Variants in NBAS observed in about 807,000 individuals in gnomAD.
The protein encoded by NBAS is NAG/BC035112 fusion.
Under a neutral mutation model 302.5 loss-of-function variants are expected in NBAS, and 219 were observed. The observed-to-expected ratio is 0.72, with a 90% CI of 0.65 to 0.81. The LOEUF is 0.81. Ranked by LOEUF, NBAS falls within the 30% of genes least tolerant of loss-of-function variation. The probability of loss-of-function intolerance (pLI) is 0.00; values close to 1 mark genes in which losing one functional copy is unlikely to be tolerated. For synonymous variants in NBAS, 1,118 were observed against 1,021.6 expected (o/e 1.09, Z -1.80); for missense variants, 2,932 against 2,841.6 (o/e 1.03, Z -0.72).
At chr2:14,849,506 G>T in the NBAS span, among the ~76,000 whole-genome samples, 1 of 151,790 alleles carries the variant, frequency 6.6e-6, no homozygotes, top group Non-Finnish European at 1.5e-5. Flanking sequence ...AAAACACTCT[G>T]CAGGATATTA....
chr2:14,995,026 T>C, the NBAS span, among the ~76,000 whole-genome samples: 2 of 152,220 alleles, frequency 1.3e-5, no homozygotes, highest in Non-Finnish European at 2.9e-5. Context: ...TCTGATTAAG[T>C]GGGTTGGATG....
chr2:14,926,993 T>C, the NBAS span, among the ~76,000 whole-genome samples: 1 of 152,208 alleles, frequency 6.6e-6, no homozygotes, highest in Non-Finnish European at 1.5e-5. Context: ...GAAAGCAGAT[T>C]GTCCTTCATA....
intron 51 of NBAS, among the ~76,000 whole-genome samples, chr2:15,178,506 T>C (rs965181654): frequency 1.3e-5 from 2 of 152,174 alleles, no homozygotes; most frequent in Non-Finnish European, 2.9e-5. Flanking sequence ...GACAAGAAGG[T>C]TGCCAGAGGA....
intron 21 of NBAS, among the ~76,000 whole-genome samples, chr2:15,452,571 CAGAG>C (rs1422971950): frequency 2.8e-5 from 4 of 141,938 alleles, no homozygotes; most frequent in Non-Finnish European, 6.0e-5. Context: ...CTGGGCAACA[CAGAG>C]AGACTCTGTC....
At chr2:15,303,804 T>C (rs900689539) in intron 40 of NBAS, among the ~76,000 whole-genome samples, 1 of 152,216 alleles carries the variant, frequency 6.6e-6, no homozygotes, top group African/African-American at 2.4e-5. Context: ...AACTGAAGAT[T>C]ATAGGCCAAA....
At position 15,287,967 on chromosome 2, in the gene NBAS, G is replaced by A. The variant is rs954272033; in HGVS notation, c.5028-784C>T. Among the ~76,000 whole-genome samples the A allele has an allele frequency of 1.6e-4, 23 of 147,858 alleles. 1 individual carries two copies. Among genetic ancestry groups the A allele is most frequent in the South Asian group, 6.7e-4 (3 of 4,500 alleles). On this transcript the variant is annotated intron_variant, in intron 41 of 51. Coordinates refer to ENST00000281513, the MANE Select transcript of NBAS (RefSeq NM_015909.4). ...ACCCCATGGAGGTAGCCCGAGCACC[G>A]TGCGTAGGCAGCCCCGCATGGGCAT...
the NBAS span, among the ~76,000 whole-genome samples, chr2:15,098,945 G>A: frequency 6.6e-6 from 1 of 150,958 alleles, no homozygotes; most frequent in Admixed American, 6.7e-5. Context: ...ACTGAATGTT[G>A]GTGTCCCCCT....
the NBAS span, among the ~76,000 whole-genome samples, chr2:14,866,549 C>T: frequency 5.5e-4 from 84 of 152,056 alleles, 1 homozygote; most frequent in South Asian, 7.1e-3. Flanking sequence ...ATCTCAAGAA[C>T]GCTAAGTGAC....
the NBAS span, among the ~76,000 whole-genome samples, chr2:14,994,235 C>T: frequency 6.6e-6 from 1 of 152,104 alleles, no homozygotes; most frequent in Non-Finnish European, 1.5e-5. Context: ...AAACCGATTG[C>T]CATAAACAAA....
intron 48 of NBAS, among the ~76,000 whole-genome samples, chr2:15,200,957 T>C (rs1485617383): frequency 6.6e-6 from 1 of 152,246 alleles, no homozygotes; most frequent in Non-Finnish European, 1.5e-5. Context: ...ACAAATATGA[T>C]GTAGTTATTA....
the NBAS span, among the ~76,000 whole-genome samples, chr2:15,044,230 C>A: frequency 6.6e-6 from 1 of 152,128 alleles, no homozygotes; most frequent in Non-Finnish European, 1.5e-5. Flanking sequence ...GTAAGACTAC[C>A]TGCTAATATG....
At chr2:15,195,172 T>C (rs1029826799) in intron 48 of NBAS, among the ~76,000 whole-genome samples, 2 of 152,190 alleles carry the variant, frequency 1.3e-5, no homozygotes, top group Non-Finnish European at 2.9e-5. Context: ...CCAAAATTCA[T>C]GTTGAAATTT....
At chr2:15,449,559 C>T (rs1243506141) in intron 21 of NBAS, among the ~76,000 whole-genome samples, 1 of 151,368 alleles carries the variant, frequency 6.6e-6, no homozygotes, top group African/African-American at 2.4e-5. Context: ...TACTGACTTA[C>T]ACCTTCTTAA....
In NBAS at chr2:15,396,431, TG is replaced by T; in HGVS notation, c.3115del (p.Gln1039AsnfsTer37). On this transcript the variant is annotated frameshift_variant, in exon 27 of 52. Coordinates refer to ENST00000281513, the MANE Select transcript of NBAS (RefSeq NM_015909.4). LOFTEE classifies it high-confidence loss of function. ...TTCTCACCTGAGAATTTGTTCCAGT[TG>T]GTCTACCATGTCATGAAGCTTTGTG... is the stretch of plus-strand genomic sequence containing the variant. The part of the protein sequence containing the change: ...ATTKLHDMVD[Q>X]LEQILSVSEL... 2 of 1,606,918 alleles carry T rather than the reference TG, an allele frequency of 1.2e-6. No individual in the cohort carries two copies. Among genetic ancestry groups the T allele is most frequent in the Non-Finnish European group, 1.7e-6 (2 of 1,177,080 alleles).
chr2:14,988,563 C>T, the NBAS span, among the ~76,000 whole-genome samples: 1 of 151,894 alleles, frequency 6.6e-6, no homozygotes, highest in African/African-American at 2.4e-5. Context: ...CCAATGACAA[C>T]CAAGAAAATT....
At chr2:15,497,472 T>G (rs1159276451) in intron 11 of NBAS, among the ~76,000 whole-genome samples, 1 of 152,150 alleles carries the variant, frequency 6.6e-6, no homozygotes, top group African/African-American at 2.4e-5. Context: ...GACTGGCTAG[T>G]GTCAGCAATA....
the NBAS span, among the ~76,000 whole-genome samples, chr2:14,858,196 T>C: frequency 0.016 from 2,428 of 152,210 alleles, 23 homozygotes; most frequent in Non-Finnish European, 0.024. Context: ...AAGGGAACCC[T>C]TGTACACTGT....
At chr2:15,092,001 T>C in the NBAS span, among the ~76,000 whole-genome samples, 49 of 152,322 alleles carry the variant, frequency 3.2e-4, no homozygotes, top group African/African-American at 1.2e-3. Context: ...AAGCCAAAAG[T>C]TATACATGAT....
At chr2:14,920,010 C>T in the NBAS span, among the ~76,000 whole-genome samples, 815 of 152,260 alleles carry the variant, frequency 5.4e-3, 13 homozygotes, top group African/African-American at 0.019. Flanking sequence ...CCTTCCAGAA[C>T]GTTTTCAATT....
Sources: allele counts gnomAD v4.1 joint callset (sites outside exome capture counted in the v4.1 genomes callset), GRCh38; gene constraint gnomAD v4.1.1; transcripts MANE v1.5; gene names NCBI Gene and HGNC (gene_info 2026-07-23, HGNC 2026-07-21).